The following AIG1 variants were observed in gnomAD, a reference collection of about 807,000 sequenced individuals.
The protein encoded by AIG1 is androgen-induced gene 1 protein.
AIG1 carries 23 observed loss-of-function variants against 31.4 expected under a neutral mutation model. The observed-to-expected ratio is 0.73, with a 90% CI of 0.53 to 1.04. The LOEUF is 1.04. Among genes scored for constraint, AIG1 ranks in the 50% least tolerant of loss-of-function variants. AIG1 has a pLI of 0.00. For missense variants in AIG1, 274 were observed against 295.0 expected (o/e 0.93, Z 0.52); for synonymous variants, 100 against 110.5 (o/e 0.90, Z 0.60).
chr6:143,143,542 T>A (rs1562422278), intron 2 of AIG1, among the ~76,000 whole-genome samples: 6 of 117,640 alleles, frequency 5.1e-5, no homozygotes, highest in East Asian at 2.9e-4. Flanking sequence ...TATATATATA[T>A]ATATATATAT....
chr6:143,228,237 C>G (rs1472050180), intron 3 of AIG1, among the ~76,000 whole-genome samples: 2 of 152,220 alleles, frequency 1.3e-5, no homozygotes, highest in African/African-American at 2.4e-5. Context: ...TCTCCGTGAC[C>G]TACAATGACC....
chr6:143,333,482 T>A lies in AIG1; in HGVS notation c.679+37T>A. 1 of 1,603,580 alleles carries A rather than the reference T, an allele frequency of 6.2e-7. No individual in the cohort carries two copies. Among genetic ancestry groups the A allele is most frequent in the Non-Finnish European group, 8.5e-7 (1 of 1,174,346 alleles). On this transcript the variant is annotated intron_variant, in intron 5 of 5. Transcript: ENST00000357847. The surrounding 1 kb of genome is among the most constrained non-coding windows in gnomAD (Gnocchi z 4.6). ...CTGAGGGAACATAAAACAAGAGAAT[T>A]ACTGCCGGCAACAGTCTATGCAGAG... is the stretch of plus-strand genomic sequence containing the variant.
chr6:143,193,204 G>A (rs1310903233), intron 3 of AIG1, among the ~76,000 whole-genome samples: 2 of 152,174 alleles, frequency 1.3e-5, no homozygotes, highest in Non-Finnish European at 2.9e-5. Context: ...AGTGATAGAA[G>A]CCATATTGCC....
intron 1 of AIG1, among the ~76,000 whole-genome samples, chr6:143,130,590 G>A (rs1466382934): frequency 2.0e-5 from 3 of 151,906 alleles, no homozygotes; most frequent in Admixed American, 6.6e-5. Context: ...GTGGTGGTGC[G>A]TGCCTGTAAT....
chr6:143,332,554 G>A (rs189957827), intron 4 of AIG1, among the ~76,000 whole-genome samples: 211 of 152,290 alleles, frequency 1.4e-3, no homozygotes, highest in Middle Eastern at 3.4e-3. Context: ...GGAGTGGGAA[G>A]CTGGTACCTG....
intron 2 of AIG1, among the ~76,000 whole-genome samples, chr6:143,163,859 C>T (rs1351617051): frequency 6.6e-6 from 1 of 152,104 alleles, no homozygotes; most frequent in Non-Finnish European, 1.5e-5. Context: ...AAAATACTGC[C>T]TGGATCTCCT....
chr6:143,229,247 A>T (rs765064245), intron 3 of AIG1, among the ~76,000 whole-genome samples: 19 of 152,246 alleles, frequency 1.2e-4, no homozygotes, highest in Admixed American at 3.9e-4. Flanking sequence ...ATTGGTTTGG[A>T]GACTTAAGTT....
Position 143,242,864 on chromosome 6 carries a change from G to A in AIG1, c.400-41246G>A, listed in dbSNP as rs144175996. On this transcript the variant is annotated intron_variant, in intron 3 of 5. Coordinates refer to ENST00000357847, the MANE Select transcript of AIG1 (RefSeq NM_016108.4). ...GAAGTGCATGCGACATCATGGCTGC[G>A]GATATGCCCCCATGGAGAGCCCTTG... 3.9e-3 allele frequency among the ~76,000 whole-genome samples: 591 copies of A among 152,268 alleles called. 7 individuals are homozygous for A. The highest frequency in any genetic ancestry group is 4.8e-3 in the Non-Finnish European group (328 of 68,038).
At chr6:143,306,596 G>C (rs1345138665) in intron 4 of AIG1, among the ~76,000 whole-genome samples, 1 of 152,144 alleles carries the variant, frequency 6.6e-6, no homozygotes, top group African/African-American at 2.4e-5. Context: ...GCTTCCCTTT[G>C]TGGGTAACCC....
intron 1 of AIG1, among the ~76,000 whole-genome samples, chr6:143,086,652 A>T (rs1034887632): frequency 5.9e-5 from 9 of 151,676 alleles, no homozygotes; most frequent in African/African-American, 1.9e-4. Flanking sequence ...GCTTCCTTAG[A>T]TCCCTTTGGA....
chr6:143,157,816 G>A (rs1283124279), intron 2 of AIG1, among the ~76,000 whole-genome samples: 1 of 151,950 alleles, frequency 6.6e-6, no homozygotes, highest in Non-Finnish European at 1.5e-5. Context: ...ACCTATTGGG[G>A]CAAACTTTTC....
chr6:143,227,352 G>A (rs547738458), intron 3 of AIG1, among the ~76,000 whole-genome samples: 74 of 152,232 alleles, frequency 4.9e-4, no homozygotes, highest in African/African-American at 1.6e-3. Context: ...GTGGAGAGGA[G>A]CCATTACAGC....
At chr6:143,146,848 A>C (rs2128539465) in intron 2 of AIG1, among the ~76,000 whole-genome samples, 1 of 152,306 alleles carries the variant, frequency 6.6e-6, no homozygotes, top group Middle Eastern at 3.4e-3. Flanking sequence ...ATTTTACCAC[A>C]AATAGCCAGT....
Position 143,291,180 on chromosome 6 carries a change from G to T in AIG1, c.515+6955G>T, listed in dbSNP as rs1326826453. ...GAAGGATATGGCAGGGCAGAGGGAGGGGGAGCTGTAAAGCCGCCTGTGATC... is the reference window on the plus strand; with the variant it reads ...GAAGGATATGGCAGGGCAGAGGGAGTGGGAGCTGTAAAGCCGCCTGTGATC... On this transcript the variant is annotated intron_variant, in intron 4 of 5. Coordinates refer to ENST00000357847, the MANE Select transcript of AIG1 (RefSeq NM_016108.4). This position sits in a 1 kb window ranked among gnomAD's most constrained non-coding sequence, Gnocchi z 4.2. 6.6e-6 allele frequency among the ~76,000 whole-genome samples: 1 copy of T among 152,156 alleles called. No individual in the cohort carries two copies. Among genetic ancestry groups the T allele is most frequent in the East Asian group, 1.9e-4 (1 of 5,194 alleles).
intron 1 of AIG1, among the ~76,000 whole-genome samples, chr6:143,104,864 A>T (rs1001641758): frequency 1.3e-5 from 2 of 151,770 alleles, no homozygotes; most frequent in Non-Finnish European, 2.9e-5. Flanking sequence ...CTGCCACTGC[A>T]CTCCAGCCTG....
At chr6:143,311,165 G>A (rs983305455) in intron 4 of AIG1, among the ~76,000 whole-genome samples, 10 of 151,774 alleles carry the variant, frequency 6.6e-5, no homozygotes, top group African/African-American at 1.9e-4. Flanking sequence ...TTACAGACAC[G>A]TATCTCTCAT....
intron 3 of AIG1, among the ~76,000 whole-genome samples, chr6:143,176,460 A>G (rs528631040): frequency 2.0e-5 from 3 of 152,234 alleles, no homozygotes; most frequent in African/African-American, 7.2e-5. Flanking sequence ...GAGAAAGACT[A>G]TCAGGCTGGG....
At chr6:143,161,054 T>C (rs1786326541) in intron 2 of AIG1, among the ~76,000 whole-genome samples, 1 of 152,094 alleles carries the variant, frequency 6.6e-6, no homozygotes, top group African/African-American at 2.4e-5. Flanking sequence ...AACAATGGGC[T>C]CTCTAGGGAA....
chr6:143,169,073 C>G (rs569256327), intron 3 of AIG1, among the ~76,000 whole-genome samples: 1 of 151,726 alleles, frequency 6.6e-6, no homozygotes, highest in East Asian at 1.9e-4. Context: ...TGTTTTACTA[C>G]TTATCCAATC....
Sources: allele counts gnomAD v4.1 joint callset (sites outside exome capture counted in the v4.1 genomes callset), GRCh38; gene constraint gnomAD v4.1.1; non-coding constraint Gnocchi (gnomAD v3.1); transcripts MANE v1.5; gene names NCBI Gene and HGNC (gene_info 2026-07-23, HGNC 2026-07-21).